TCF25: variants seen among roughly 807,000 people sequenced by gnomAD.
TCF25 encodes ribosome quality control complex subunit TCF25.
TCF25 carries 41 observed loss-of-function variants against 83.1 expected under a neutral mutation model. The ratio of observed to expected loss-of-function variants is 0.49; its 90% CI spans 0.38 to 0.64. The LOEUF (loss-of-function observed/expected upper bound fraction) is 0.64, where lower values mean the gene tolerates loss of function less well. Among genes scored for constraint, TCF25 ranks in the 30% least tolerant of loss-of-function variants. The pLI, the probability that TCF25 is intolerant of heterozygous loss-of-function variation, is 0.00. For missense variants in TCF25, 979 were observed against 914.5 expected (o/e 1.07, Z -0.91); for synonymous variants, 458 against 365.0 (o/e 1.25, Z -2.90).
At chr16:89,873,884 G>A in intron 1 of TCF25, 25 bp downstream of exon 1, 2 of 1,504,276 alleles carry the variant, frequency 1.3e-6, no homozygotes, top group Non-Finnish European at 8.9e-7. Flanking sequence ...GGCCCGGGTG[G>A]GGGTGGGGTG....
intron 6 of TCF25, 77 bp downstream of exon 6, chr16:89,892,352 A>C (rs2043495578): frequency 8.6e-7 from 1 of 1,168,928 alleles, no homozygotes; most frequent in African/African-American, 1.6e-5. Context: ...ACAGCAAACC[A>C]GGTGAGGGTC....
At chr16:89,892,140 G>T in intron 5 of TCF25, 53 bp from the exon 6 acceptor site, 1 of 1,511,142 alleles carries the variant, frequency 6.6e-7, no homozygotes, top group South Asian at 1.3e-5. Flanking sequence ...GCCAAGCCTT[G>T]GTCCCCACAC....
chr16:89,898,680 A>C lies in TCF25; in HGVS notation c.1115+31A>C, dbSNP rs761403287. On this transcript the variant is annotated intron_variant, in intron 10 of 17. Coordinates refer to ENST00000263346, the MANE Select transcript of TCF25 (RefSeq NM_014972.3). The stretch of plus-strand genomic sequence containing the variant: ...TGTCTGCTCAGGGCCAAGCCCGTCC[A>C]CGCTCCCTGTCCTGGCTGCAGGCCC... The C allele has an allele frequency of 1.9e-6, 3 of 1,612,262 alleles. No individual in the cohort carries two copies. The South Asian group carries it at 3.3e-5, about 18-fold the overall frequency.
chr16:89,898,527 G>T, intron 9 of TCF25, 30 bp from the exon 10 acceptor site: 1 of 1,556,118 alleles, frequency 6.4e-7, no homozygotes, highest in Non-Finnish European at 8.7e-7. Context: ...TTGTGTCGTT[G>T]TAATTCATGT....
At chr16:89,898,734 C>T (rs2044086907) in intron 10 of TCF25, 33 bp from the exon 11 acceptor site, 3 of 1,613,350 alleles carry the variant, frequency 1.9e-6, no homozygotes, top group Non-Finnish European at 2.5e-6. Context: ...CCCCTGTTCC[C>T]CTTTGCTCTG....
At chr16:89,905,240 G>T (rs1307482932) in intron 14 of TCF25, 144 bp downstream of exon 14, 2 of 1,213,746 alleles carry the variant, frequency 1.6e-6, no homozygotes, top group East Asian at 5.1e-5. Context: ...GAGCCTACAA[G>T]ACAGCGCACA....
At chr16:89,908,243 TCCCAG>T (rs2045136571) in intron 16 of TCF25, among the ~76,000 whole-genome samples, 1 of 92,750 alleles carries the variant, frequency 1.1e-5, no homozygotes, top group Non-Finnish European at 2.1e-5. Context: ...AGTTCCCACC[TCCCAG>T]CTCCCACCTC....
intron 9 of TCF25, among the ~76,000 whole-genome samples, chr16:89,896,929 G>A (rs1597343670): frequency 6.6e-6 from 1 of 151,974 alleles, no homozygotes; most frequent in Admixed American, 6.6e-5. Flanking sequence ...AGGTTGAGGC[G>A]AGAGTATCAC....
chr16:89,895,427 C>T (rs1272572504), intron 8 of TCF25, among the ~76,000 whole-genome samples: 1 of 151,984 alleles, frequency 6.6e-6, no homozygotes, highest in Non-Finnish European at 1.5e-5. Flanking sequence ...AGGATGGTCT[C>T]GATCTCCTGA....
At chr16:89,878,347 A>G in intron 1 of TCF25, 1 of 992,900 alleles carries the variant, frequency 1.0e-6, no homozygotes, top group Middle Eastern at 4.6e-4. Context: ...GCACTGTGGG[A>G]GGCCAAGGCG....
chr16:89,877,803 T>C (rs1295220095), intron 1 of TCF25, among the ~76,000 whole-genome samples: 1 of 151,618 alleles, frequency 6.6e-6, no homozygotes, highest in Non-Finnish European at 1.5e-5. Context: ...GGGAGAGGAG[T>C]GTTCACAGGT....
intron 1 of TCF25, among the ~76,000 whole-genome samples, chr16:89,877,851 C>G (rs1483028572): frequency 6.6e-6 from 1 of 152,170 alleles, no homozygotes; most frequent in African/African-American, 2.4e-5. Flanking sequence ...TAAGGAACTT[C>G]TTGCTAATAA....
At chr16:89,908,513 A>AGTTCCCG (rs2045202577) in intron 16 of TCF25, among the ~76,000 whole-genome samples, 1 of 95,486 alleles carries the variant, frequency 1.0e-5, no homozygotes, top group South Asian at 3.9e-4. Context: ...CCCACCTCCC[A>AGTTCCCG]CCTTCCAGCT....
chr16:89,876,878 G>C (rs1284906275), intron 1 of TCF25, among the ~76,000 whole-genome samples: 3 of 147,014 alleles, frequency 2.0e-5, no homozygotes, highest in Non-Finnish European at 4.5e-5. Flanking sequence ...GCAGTGAGCT[G>C]AGATCGTGCC....
At chr16:89,887,492 A>G (rs1176046538) in intron 4 of TCF25, among the ~76,000 whole-genome samples, 160 bp from the exon 5 acceptor site, 1 of 152,224 alleles carries the variant, frequency 6.6e-6, no homozygotes, top group Non-Finnish European at 1.5e-5. Flanking sequence ...GCGAGGCCTC[A>G]GCTGTGGTTG....
chr16:89,894,375 C>T (rs1028565566), intron 7 of TCF25, among the ~76,000 whole-genome samples: 2 of 151,046 alleles, frequency 1.3e-5, no homozygotes, highest in East Asian at 2.0e-4. Flanking sequence ...ACGGCCCCCG[C>T]GCAGCCCCAG....
intron 15 of TCF25, 134 bp from the exon 16 acceptor site, chr16:89,907,109 T>A: frequency 2.2e-6 from 2 of 889,614 alleles, no homozygotes; most frequent in South Asian, 1.5e-5. Context: ...CACAGCCGTT[T>A]CTGTCAGACT....
Position 89,887,515 on chromosome 16 carries a change from T to C in TCF25, c.549-137T>C. On this transcript the variant is annotated intron_variant, in intron 4 of 17. Coordinates refer to ENST00000263346, the MANE Select transcript of TCF25 (RefSeq NM_014972.3). Reference sequence around the variant, plus strand: ...TCAGCTGTGGTTGGGGTGGTGATTTTAGAGAAAGGCCTGGAAGCTGCCTTT... The same window carrying C: ...TCAGCTGTGGTTGGGGTGGTGATTTCAGAGAAAGGCCTGGAAGCTGCCTTT... The C allele has an allele frequency of 5.5e-6, 4 of 721,712 alleles. No homozygotes were observed. The South Asian group carries it at 6.5e-5, about 12-fold the overall frequency. 44.7% of individuals were successfully genotyped at this position (721,712 alleles called of 1,614,324 possible). A position where few individuals can be genotyped will look rare whatever the true frequency, so the allele number is the denominator to read the frequency against.
chr16:89,879,912 T>C (rs2042471177), intron 1 of TCF25, among the ~76,000 whole-genome samples: 1 of 151,726 alleles, frequency 6.6e-6, no homozygotes, highest in South Asian at 2.1e-4. Flanking sequence ...ACACGTGTTG[T>C]CCGTGTACAC....
Sources: allele counts gnomAD v4.1 joint callset (sites outside exome capture counted in the v4.1 genomes callset), GRCh38; gene constraint gnomAD v4.1.1; transcripts MANE v1.5; gene names NCBI Gene and HGNC (gene_info 2026-07-23, HGNC 2026-07-21).